Variants in YEATS2 observed in about 807,000 individuals in gnomAD.
YEATS2 encodes YEATS domain-containing protein 2.
YEATS2 carries 77 observed loss-of-function variants against 163.2 expected under a neutral mutation model. That is an observed-to-expected ratio of 0.47 (90% CI 0.39 to 0.57). The LOEUF (loss-of-function observed/expected upper bound fraction) is 0.57, where lower values mean the gene tolerates loss of function less well. YEATS2 is among the 20% of genes least tolerant of loss of function. The pLI is 0.00. For missense variants in YEATS2, 1,549 were observed against 1,729.8 expected (o/e 0.90, Z 1.85); for synonymous variants, 631 against 645.1 (o/e 0.98, Z 0.33).
intron 7 of YEATS2, among the ~76,000 whole-genome samples, chr3:183,731,600 G>A (rs1717785941): frequency 6.6e-6 from 1 of 152,172 alleles, no homozygotes; most frequent in South Asian, 2.1e-4. Context: ...TTACTAATCT[G>A]TGGGCAGAGG....
intron 19 of YEATS2, among the ~76,000 whole-genome samples, chr3:183,779,731 C>T (rs71318340): frequency 0.047 from 7,131 of 152,010 alleles, 245 homozygotes; most frequent in East Asian, 0.11. Flanking sequence ...CACAGCCTTG[C>T]TCTGTCGCCA....
At position 183,772,463 on chromosome 3, in the gene YEATS2, G is replaced by A. The variant is rs1023955424; in HGVS notation, c.2106G>A (p.Val702=). The change falls in exon 16 of 31, where the codon GTG becomes GTA. Residue 702 remains valine, a synonymous_variant. Coordinates refer to ENST00000305135, the MANE Select transcript of YEATS2 (RefSeq NM_018023.5). ...CCCAAGGAGTTGCCAAAGCAATTGT[G>A]AGTGGAGGTGGAGGAACCATTGTTG... is the stretch of plus-strand genomic sequence containing the variant. ...VVTQGVAKAI[V]SGGGGTIVAQ... The A allele has an allele frequency of 6.2e-7, 1 of 1,614,032 alleles. No individual in the cohort carries two copies. Among genetic ancestry groups the A allele is most frequent in the Non-Finnish European group, 8.5e-7 (1 of 1,180,016 alleles).
intron 12 of YEATS2, among the ~76,000 whole-genome samples, chr3:183,757,285 A>G (rs1273736416): frequency 6.6e-6 from 1 of 151,966 alleles, no homozygotes; most frequent in Admixed American, 6.6e-5. Context: ...TTTATTGTTA[A>G]TTAATTAATT....
chr3:183,759,148 G>T (rs896014329), intron 13 of YEATS2, among the ~76,000 whole-genome samples, 183 bp downstream of exon 13: 3 of 152,146 alleles, frequency 2.0e-5, no homozygotes, highest in Non-Finnish European at 1.5e-5. Context: ...GCTGCACCCC[G>T]CCACTTTGCC....
intron 21 of YEATS2, among the ~76,000 whole-genome samples, chr3:183,796,259 A>G (rs550298212): frequency 8.6e-5 from 13 of 150,774 alleles, no homozygotes; most frequent in African/African-American, 3.2e-4. Flanking sequence ...CAGCCTCCCA[A>G]AGTGCTGGGA....
At chr3:183,803,496 C>G in intron 26 of YEATS2, 161 bp downstream of exon 26, 2 of 703,504 alleles carry the variant, frequency 2.8e-6, no homozygotes, top group Non-Finnish European at 4.7e-6. Context: ...AGCTGACTTT[C>G]AGGCGTGCCT....
chr3:183,761,688 C>A, intron 14 of YEATS2, 74 bp downstream of exon 14: 2 of 1,335,494 alleles, frequency 1.5e-6, no homozygotes, highest in Non-Finnish European at 2.2e-6. Context: ...TTGCCACTAC[C>A]CCTACAACAT....
At chr3:183,712,204 T>G (rs201088972) in intron 1 of YEATS2, among the ~76,000 whole-genome samples, 8,759 of 103,970 alleles carry the variant, frequency 0.084, 1,077 homozygotes, top group African/African-American at 0.31. Flanking sequence ...TTTATTTTAT[T>G]TTATTTTATT....
Position 183,790,989 on chromosome 3 carries a change from C to G in YEATS2, c.3097+9C>G, listed in dbSNP as rs1724574824. 2 of 1,608,432 alleles carry G rather than the reference C, an allele frequency of 1.2e-6. No homozygotes were observed. The highest frequency in any genetic ancestry group is 2.2e-5 in the East Asian group (1 of 44,714). ...GAAAGCCACAGTATCCGGTGAGTTGCATTGTGATATTATTTCTCTCTCTTT... is the reference window on the plus strand; with the variant it reads ...GAAAGCCACAGTATCCGGTGAGTTGGATTGTGATATTATTTCTCTCTCTTT... On this transcript the variant is annotated intron_variant, in intron 21 of 30. Coordinates refer to ENST00000305135, the MANE Select transcript of YEATS2 (RefSeq NM_018023.5).
At chr3:183,729,586 A>AT (rs1230670739) in intron 7 of YEATS2, among the ~76,000 whole-genome samples, 2 of 152,134 alleles carry the variant, frequency 1.3e-5, no homozygotes, top group Non-Finnish European at 1.5e-5. Flanking sequence ...TGAATATAGT[A>AT]TAGTTGTTTC....
intron 8 of YEATS2, among the ~76,000 whole-genome samples, chr3:183,747,073 C>T (rs1719626503): frequency 6.6e-6 from 1 of 152,118 alleles, no homozygotes; most frequent in African/African-American, 2.4e-5. Context: ...AACATACCCT[C>T]AGTTTGTGTT....
Position 183,772,520 on chromosome 3 carries a change from G to T in YEATS2, c.2163G>T (p.Gln721His). Reference sequence around the variant, plus strand: ...CAGTGCAGACCTTAACCAAGGCCCAGGTTACTGCCGCTGGTCCTCAGAAGA... The same window carrying T: ...CAGTGCAGACCTTAACCAAGGCCCATGTTACTGCCGCTGGTCCTCAGAAGA... ...AQPVQTLTKA[Q>H]VTAAGPQKSG... The change falls in exon 16 of 31, where the codon CAG becomes CAT. Residue 721 changes from glutamine to histidine, a missense_variant. Gln to His is a conservative substitution (Grantham distance 24). Transcript: ENST00000305135. The T allele has an allele frequency of 2.5e-6, 4 of 1,614,116 alleles. No individual in the cohort carries two copies. The highest frequency in any genetic ancestry group is 3.4e-6 in the Non-Finnish European group (4 of 1,180,030).
chr3:183,794,870 C>G (rs1211089699), intron 21 of YEATS2, among the ~76,000 whole-genome samples: 1 of 152,062 alleles, frequency 6.6e-6, no homozygotes, highest in Non-Finnish European at 1.5e-5. Flanking sequence ...GGGGAAGCCA[C>G]TGAAGACCCC....
intron 8 of YEATS2, among the ~76,000 whole-genome samples, chr3:183,740,465 A>G (rs1367343186): frequency 6.6e-6 from 1 of 152,256 alleles, no homozygotes; most frequent in African/African-American, 2.4e-5. Context: ...CAGTGAACAC[A>G]CAAATGATAA....
At chr3:183,780,995 A>G (rs909592729) in intron 19 of YEATS2, among the ~76,000 whole-genome samples, 2 of 152,248 alleles carry the variant, frequency 1.3e-5, no homozygotes, top group Admixed American at 6.5e-5. Flanking sequence ...AAACTTGACA[A>G]TTAAAATACT....
chr3:183,804,269 G>T (rs1382995425), intron 27 of YEATS2, 81 bp downstream of exon 27: 1 of 1,550,226 alleles, frequency 6.5e-7, no homozygotes, highest in Non-Finnish European at 8.8e-7. Flanking sequence ...GGACTTGGAA[G>T]AGTTGCTGTA....
At chr3:183,746,855 A>G (rs1438585425) in intron 8 of YEATS2, among the ~76,000 whole-genome samples, 4 of 151,778 alleles carry the variant, frequency 2.6e-5, no homozygotes. Flanking sequence ...ACCTCTCATA[A>G]GCCTTTAAAA....
chr3:183,807,276 G>T lies in YEATS2; in HGVS notation c.4011+184G>T, dbSNP rs182710498. ...TGGTTGACCCAGGTGTGCTCTCAGG[G>T]CTCCCACCGTCCCACATCAGAGCCC... is the stretch of plus-strand genomic sequence containing the variant. On this transcript the variant is annotated intron_variant, in intron 28 of 30. Coordinates refer to ENST00000305135, the MANE Select transcript of YEATS2 (RefSeq NM_018023.5). 113 of 594,922 alleles carry T rather than the reference G, an allele frequency of 1.9e-4. No homozygotes were observed. The East Asian group carries it at 3.1e-3, about 16-fold the overall frequency. 36.9% of individuals were successfully genotyped at this position (594,922 alleles called of 1,614,324 possible).
chr3:183,751,845 G>A (rs1040472627), intron 9 of YEATS2, among the ~76,000 whole-genome samples: 4 of 152,218 alleles, frequency 2.6e-5, no homozygotes, highest in African/African-American at 9.6e-5. Context: ...TAATTTCACT[G>A]AGATTTGTAT....
Sources: gnomAD v4.1 joint callset for allele counts (sites outside exome capture counted in the v4.1 genomes callset) on GRCh38, gnomAD v4.1.1 for gene constraint, MANE v1.5 for transcripts, NCBI Gene and HGNC (gene_info 2026-07-23, HGNC 2026-07-21) for gene names.